The following ADGRL3 variants were observed in gnomAD, a reference collection of about 807,000 sequenced individuals.
ADGRL3 encodes calcium-independent alpha-latrotoxin receptor 3.
ADGRL3 carries 62 observed loss-of-function variants against 153.5 expected under a neutral mutation model. That is an observed-to-expected ratio of 0.40 (90% CI 0.33 to 0.50). The LOEUF is 0.50. ADGRL3 is among the 20% of genes least tolerant of loss of function. The probability of loss-of-function intolerance (pLI) is 0.47; values close to 1 mark genes in which losing one functional copy is unlikely to be tolerated. For synonymous variants in ADGRL3, 710 were observed against 672.5 expected (o/e 1.06, Z -0.86); for missense variants, 1,641 against 1,859.4 (o/e 0.88, Z 2.16).
intron 1 of ADGRL3, among the ~76,000 whole-genome samples, chr4:61,316,200 A>G (rs1425381029): frequency 6.6e-6 from 1 of 152,194 alleles, no homozygotes; most frequent in East Asian, 1.9e-4. Flanking sequence ...AATAAGGCCC[A>G]AATGATATGA....
chr4:61,927,715 AT>A (rs1560386689), intron 13 of ADGRL3, among the ~76,000 whole-genome samples: 1 of 152,136 alleles, frequency 6.6e-6, no homozygotes, highest in Non-Finnish European at 1.5e-5. Context: ...TTACATTTTG[AT>A]TTGAATCAAT....
intron 8 of ADGRL3, among the ~76,000 whole-genome samples, chr4:61,776,034 G>A (rs934202159): frequency 3.9e-5 from 6 of 152,080 alleles, no homozygotes; most frequent in African/African-American, 1.4e-4. Flanking sequence ...CCGAGTAGCT[G>A]GGACTCCAGG....
intron 8 of ADGRL3, among the ~76,000 whole-genome samples, chr4:61,781,364 GA>G (rs1436744545): frequency 1.6e-4 from 23 of 141,132 alleles, no homozygotes; most frequent in Middle Eastern, 7.2e-3. Flanking sequence ...AAAAGAAAAA[GA>G]AAAAAGAAAG....
At chr4:61,224,893 A>T (rs549685175) in intron 1 of ADGRL3, among the ~76,000 whole-genome samples, 10 of 152,300 alleles carry the variant, frequency 6.6e-5, no homozygotes, top group African/African-American at 2.4e-4. Context: ...AACAGTCTGT[A>T]TTCAAAAGGA....
intron 9 of ADGRL3, among the ~76,000 whole-genome samples, chr4:61,847,098 A>G (rs1419972941): frequency 6.6e-6 from 1 of 151,996 alleles, no homozygotes; most frequent in Non-Finnish European, 1.5e-5. Context: ...GGGGACAAAT[A>G]TCCAAAGTAT....
At chr4:61,746,803 A>G (rs1252190868) in intron 8 of ADGRL3, among the ~76,000 whole-genome samples, 5 of 152,056 alleles carry the variant, frequency 3.3e-5, no homozygotes, top group Admixed American at 1.3e-4. Flanking sequence ...AAGAACTAGA[A>G]AAGCAAGAGC....
chr4:61,926,170 C>T (rs1030737578), intron 13 of ADGRL3, among the ~76,000 whole-genome samples: 2 of 152,122 alleles, frequency 1.3e-5, no homozygotes, highest in Non-Finnish European at 2.9e-5. Context: ...AGCTAGTACA[C>T]CTGTATAGAG....
At chr4:61,371,556 G>A (rs532102355) in intron 1 of ADGRL3, among the ~76,000 whole-genome samples, 1 of 151,826 alleles carries the variant, frequency 6.6e-6, no homozygotes, top group East Asian at 1.9e-4. Context: ...TTGAATATTG[G>A]CCCCCACTCT....
intron 5 of ADGRL3, among the ~76,000 whole-genome samples, chr4:61,647,721 A>G (rs1370318219): frequency 6.7e-6 from 1 of 150,250 alleles, no homozygotes; most frequent in Non-Finnish European, 1.5e-5. Flanking sequence ...AAAATTAACA[A>G]TAGACTTTTC....
chr4:61,215,169 A>G (rs1269656537), intron 1 of ADGRL3, among the ~76,000 whole-genome samples: 1 of 152,228 alleles, frequency 6.6e-6, no homozygotes, highest in East Asian at 1.9e-4. Context: ...ATACATTTCT[A>G]GCAGTCAGAG....
At chr4:61,451,142 A>C (rs948507139) in intron 2 of ADGRL3, among the ~76,000 whole-genome samples, 7 of 152,140 alleles carry the variant, frequency 4.6e-5, no homozygotes, top group African/African-American at 1.2e-4. Context: ...TAACAAAGAA[A>C]TTGACCCTAT....
chr4:61,248,374 T>C (rs1441666767), intron 1 of ADGRL3, among the ~76,000 whole-genome samples: 1 of 152,174 alleles, frequency 6.6e-6, no homozygotes, highest in Non-Finnish European at 1.5e-5. Context: ...GATTACTTAC[T>C]AAGCAACTCA....
At chr4:62,016,706 AGTT>A (rs1211901295) in intron 21 of ADGRL3, among the ~76,000 whole-genome samples, 1 of 152,138 alleles carries the variant, frequency 6.6e-6, no homozygotes, top group Non-Finnish European at 1.5e-5. Context: ...TTTCAGAATC[AGTT>A]GTTAAAATTC....
chr4:61,508,241 T>A (rs994626580), intron 3 of ADGRL3, among the ~76,000 whole-genome samples: 1 of 152,194 alleles, frequency 6.6e-6, no homozygotes, highest in Admixed American at 6.5e-5. Flanking sequence ...ACGATTATAA[T>A]GAAAGTCACT....
chr4:61,602,950 T>A (rs1407535804), intron 5 of ADGRL3, among the ~76,000 whole-genome samples: 1 of 152,178 alleles, frequency 6.6e-6, no homozygotes, highest in Non-Finnish European at 1.5e-5. Context: ...TAATCAGAAA[T>A]GTAGCATATC....
chr4:61,760,426 C>T (rs1020489921), intron 8 of ADGRL3, among the ~76,000 whole-genome samples: 10 of 152,186 alleles, frequency 6.6e-5, no homozygotes, highest in Middle Eastern at 6.8e-3. Flanking sequence ...TGGGAATAAG[C>T]GAGGCTCCGT....
At chr4:61,984,829 G>A (rs935104440) in intron 19 of ADGRL3, among the ~76,000 whole-genome samples, 3 of 152,074 alleles carry the variant, frequency 2.0e-5, no homozygotes, top group African/African-American at 4.8e-5. Context: ...ATTGGAAGGC[G>A]TGAAGACATA....
intron 4 of ADGRL3, among the ~76,000 whole-genome samples, chr4:61,532,608 T>G (rs931501862): frequency 6.7e-6 from 1 of 149,810 alleles, no homozygotes; most frequent in Non-Finnish European, 1.5e-5. Context: ...AATGCCTCAT[T>G]GTAAATCCAG....
At chr4:61,724,115 T>A (rs1226950508) in intron 6 of ADGRL3, among the ~76,000 whole-genome samples, 1 of 152,242 alleles carries the variant, frequency 6.6e-6, no homozygotes, top group East Asian at 1.9e-4. Context: ...TTATACAATC[T>A]GAGGTAACTC....
Sources: gnomAD v4.1 joint callset for allele counts (sites outside exome capture counted in the v4.1 genomes callset) on GRCh38, gnomAD v4.1.1 for gene constraint, MANE v1.5 for transcripts, NCBI Gene and HGNC (gene_info 2026-07-23, HGNC 2026-07-21) for gene names.